The following UNG variants were observed in gnomAD, a reference collection of about 807,000 sequenced individuals.
UNG encodes uracil-DNA glycosylase.
UNG carries 34 observed loss-of-function variants against 36.5 expected under a neutral mutation model. That is an observed-to-expected ratio of 0.93 (90% CI 0.71 to 1.24). UNG has a LOEUF of 1.24. Among genes scored for constraint, UNG ranks in the 50% most tolerant of loss-of-function variants. The pLI is 0.00. For missense variants in UNG, 391 were observed against 397.6 expected, an observed-to-expected ratio of 0.98 and a Z score of 0.14; for synonymous variants, 172 against 157.8, an observed-to-expected ratio of 1.09 and a Z score of -0.67.
In UNG at chr12:109,103,426, T is replaced by C; in HGVS notation, c.623-7T>C. 6.2e-7 allele frequency: 1 copy of C among 1,613,790 alleles called. No individual in the cohort carries two copies. Among genetic ancestry groups the C allele is most frequent in the Non-Finnish European group, 8.5e-7 (1 of 1,179,744 alleles). On this transcript the variant is annotated splice_polypyrimidine_tract_variant and splice_region_variant and intron_variant, in intron 5 of 6. Transcript: ENST00000242576. ...CTACATTTAACCTGTTTCTCTCATG[T>C]GTATAGGTGTTCTCCTTCTCAACGC...
chr12:109,100,334 A>T (rs1410764412), intron 3 of UNG, among the ~76,000 whole-genome samples: 1 of 152,200 alleles, frequency 6.6e-6, no homozygotes, highest in Admixed American at 6.5e-5. Flanking sequence ...ACCTGCTGAC[A>T]CTGGACTTTT....
chr12:109,102,700 A>T, intron 4 of UNG, 139 bp from the exon 5 acceptor site: 1 of 672,712 alleles, frequency 1.5e-6, no homozygotes, highest in South Asian at 1.6e-5. Context: ...GATCTCATTA[A>T]TCGGCGCCAT....
At chr12:109,102,397 G>GA (rs2042185031) in intron 4 of UNG, among the ~76,000 whole-genome samples, 1 of 152,014 alleles carries the variant, frequency 6.6e-6, no homozygotes, top group African/African-American at 2.4e-5. Context: ...AGAATCGCTG[G>GA]ATCCCGGGAG....
Position 109,098,607 on chromosome 12 carries a change from GC to G in UNG, c.309del (p.Ser103ArgfsTer12), listed in dbSNP as rs1555264685. On this transcript the variant is annotated frameshift_variant, in exon 2 of 7. Coordinates refer to ENST00000242576, the MANE Select transcript of UNG (RefSeq NM_080911.3). LOFTEE classifies it high-confidence loss of function. ...GFGESWKKHL[S>X]GEFGKPYFIK... ...GGAGAGAGCTGGAAGAAGCACCTCA[GC>G]GGGGAGTTCGGGAAACCGTATTTTA... 2 of 1,613,610 alleles carry G rather than the reference GC, an allele frequency of 1.2e-6. No individual in the cohort carries two copies. The highest frequency in any genetic ancestry group is 8.5e-7 in the Non-Finnish European group (1 of 1,180,046).
At chr12:109,103,231 C>T (rs2042191387) in intron 5 of UNG, among the ~76,000 whole-genome samples, 1 of 152,192 alleles carries the variant, frequency 6.6e-6, no homozygotes, top group South Asian at 2.1e-4. Flanking sequence ...GCTGGGATTA[C>T]AGGCATAAGC....
intron 3 of UNG, among the ~76,000 whole-genome samples, chr12:109,101,120 T>A (rs1417383400): frequency 7.3e-6 from 1 of 136,270 alleles, no homozygotes; most frequent in African/African-American, 2.8e-5. Flanking sequence ...TTTTTTTTTT[T>A]TTTTTTTTTT....
chr12:109,103,461 G>T lies in UNG; in HGVS notation c.651G>T (p.Thr217=). 6.2e-7 allele frequency: 1 copy of T among 1,614,134 alleles called. No homozygotes were observed. The highest frequency in any genetic ancestry group is 8.5e-7 in the Non-Finnish European group (1 of 1,180,012). Residue 217 remains threonine, a synonymous_variant, in exon 6 of 7, where the codon ACG becomes ACT. Transcript: ENST00000242576. ...QGVLLLNAVL[T]VRAHQANSHK... ...TTCTCCTTCTCAACGCTGTCCTCAC[G>T]GTTCGTGCCCATCAAGCCAACTCTC... is the stretch of plus-strand genomic sequence containing the variant.
chr12:109,099,325 G>C (rs753149327), intron 3 of UNG, 41 bp downstream of exon 3: 6 of 1,538,470 alleles, frequency 3.9e-6, no homozygotes, highest in Non-Finnish European at 5.4e-6. Flanking sequence ...GGGAGAAGGA[G>C]TCAAATAGTA....
chr12:109,097,727 C>T lies in UNG; in HGVS notation c.48C>T (p.Ala16=). Reference sequence around the variant, plus strand: ...ACTCCTTTTTCTCCCCCAGCCCCGCCAGGAAGCGACACGCCCCCAGCCCCG... The same window carrying T: ...ACTCCTTTTTCTCCCCCAGCCCCGCTAGGAAGCGACACGCCCCCAGCCCCG... ...TLYSFFSPSP[A]RKRHAPSPEP... Residue 16 remains alanine, a synonymous_variant, in exon 1 of 7, where the codon GCC becomes GCT. Transcript: ENST00000242576. 1 of 1,589,224 alleles carries T rather than the reference C, an allele frequency of 6.3e-7. No homozygotes were observed. Among genetic ancestry groups the T allele is most frequent in the Non-Finnish European group, 8.6e-7 (1 of 1,168,116 alleles).
chr12:109,105,662 C>G (rs2042210258), intron 6 of UNG, among the ~76,000 whole-genome samples: 1 of 152,210 alleles, frequency 6.6e-6, no homozygotes, highest in South Asian at 2.1e-4. Flanking sequence ...ATCATCTGCC[C>G]AGTTGTCCAG....
At chr12:109,101,567 G>C (rs1354666084) in intron 3 of UNG, among the ~76,000 whole-genome samples, 1 of 152,018 alleles carries the variant, frequency 6.6e-6, no homozygotes, top group East Asian at 1.9e-4. Flanking sequence ...AAAATTAGGT[G>C]GGCATAGTGG....
At position 109,109,863 on chromosome 12, in the gene UNG, C is replaced by T. The variant is rs139945727; in HGVS notation, c.836C>T (p.Ser279Phe). 5 of 1,613,980 alleles carry T rather than the reference C, an allele frequency of 3.1e-6. No homozygotes were observed. In the African/African-American group the frequency reaches 6.7e-5, roughly 22 times the overall value. ...CATGTACTACAGACGGCTCATCCCT[C>T]CCCTTTGTCAGTGTATAGAGGGTTC... is the stretch of plus-strand genomic sequence containing the variant. ...RHHVLQTAHP[S>F]PLSVYRGFFG... Residue 279 changes from serine to phenylalanine, a missense_variant, in exon 7 of 7, where the codon TCC (serine) becomes TTC (phenylalanine). Physicochemically the swap from Ser to Phe is radical, Grantham distance 155 (BLOSUM62 -2). Coordinates refer to ENST00000242576, the MANE Select transcript of UNG (RefSeq NM_080911.3).
At position 109,098,644 on chromosome 12, in the gene UNG, T is replaced by G. The variant is rs1055290694; in HGVS notation, c.339+6T>G. ...GGAAACCGTATTTTATCAAGGTAAA[T>G]ATGGAAATGCACCTTCCATAAGGGT... On this transcript the variant is annotated splice_donor_region_variant and intron_variant, in intron 2 of 6. Transcript: ENST00000242576. 6 of 1,613,210 alleles carry G rather than the reference T, an allele frequency of 3.7e-6. No individual in the cohort carries two copies. The highest frequency in any genetic ancestry group is 5.1e-6 in the Non-Finnish European group (6 of 1,179,848).
chr12:109,102,771 G>T, intron 4 of UNG, 68 bp from the exon 5 acceptor site: 1 of 1,293,076 alleles, frequency 7.7e-7, no homozygotes, highest in Non-Finnish European at 1.1e-6. Context: ...ATATGTCTTA[G>T]ACGTTACTGA....
intron 2 of UNG, 21 bp downstream of exon 2, chr12:109,098,659 T>C (rs1245363901): frequency 1.9e-6 from 3 of 1,613,054 alleles, no homozygotes; most frequent in Non-Finnish European, 2.5e-6. Flanking sequence ...AAATGCACCT[T>C]CCATAAGGGT....
rs1319124333 is a variant in UNG, at chr12:109,098,105, G to GT, written c.132+300dup. On this transcript the variant is annotated intron_variant, in intron 1 of 6. Transcript: ENST00000242576. ...GAGAGGGGGCGGGACCCAGAGGGAG[G>GT]TTTTTTGCCGCGAAAAGACCACGTG... 3,402 of 1,377,766 alleles carry GT rather than the reference G, an allele frequency of 2.5e-3. 8 individuals carry two copies. The highest frequency in any genetic ancestry group is 2.4e-3 in the Non-Finnish European group (2,568 of 1,069,488). 85.3% of individuals were successfully genotyped at this position (1,377,766 alleles called of 1,614,324 possible). A position where few individuals can be genotyped will look rare whatever the true frequency, so the allele number is the denominator to read the frequency against.
chr12:109,103,094 G>A (rs2042190651), intron 5 of UNG, among the ~76,000 whole-genome samples, 167 bp downstream of exon 5: 1 of 151,910 alleles, frequency 6.6e-6, no homozygotes, highest in Admixed American at 6.6e-5. Flanking sequence ...TGGGACCACA[G>A]GCATGAGCCA....
At position 109,103,581 on chromosome 12, in the gene UNG, T is replaced by A; in HGVS notation, c.771T>A (p.Tyr257Ter). The change falls in exon 6 of 7, where the codon TAT (tyrosine) becomes TAA (stop). Residue 257 changes from tyrosine (Y) to a stop codon, truncating the protein, a stop_gained. Coordinates refer to ENST00000242576, the MANE Select transcript of UNG (RefSeq NM_080911.3). LOFTEE classifies it high-confidence loss of function. ...TTGTTTTCTTGCTCTGGGGCTCTTA[T>A]GCTCAGAAGAAGGGCAGTGCCATTG... ...NGLVFLLWGS[Y>*]AQKKGSAIDR... is the part of the protein sequence containing the mutation. 2 of 1,613,948 alleles carry A rather than the reference T, an allele frequency of 1.2e-6. No individual in the cohort carries two copies. The highest frequency in any genetic ancestry group is 1.7e-6 in the Non-Finnish European group (2 of 1,180,018).
At chr12:109,104,014 C>T (rs1056667657) in intron 6 of UNG, among the ~76,000 whole-genome samples, 2 of 151,896 alleles carry the variant, frequency 1.3e-5, no homozygotes, top group African/African-American at 4.8e-5. Flanking sequence ...TTAACTTGCC[C>T]ATGAAAATAC....
Sources: allele counts gnomAD v4.1 joint callset (sites outside exome capture counted in the v4.1 genomes callset), GRCh38; gene constraint gnomAD v4.1.1; transcripts MANE v1.5; gene names NCBI Gene and HGNC (gene_info 2026-07-23, HGNC 2026-07-21).